The following IGF2BP2 variants were observed in gnomAD, a reference collection of about 807,000 sequenced individuals.
IGF2BP2 encodes insulin like growth factor 2 mRNA binding protein 2, also known as insulin-like growth factor 2 mRNA-binding protein 2.
A neutral mutation model predicts 75.8 loss-of-function variants in IGF2BP2; 17 were observed. The observed-to-expected ratio is 0.22, with a 90% CI of 0.15 to 0.34. The LOEUF (loss-of-function observed/expected upper bound fraction) is 0.34. Ranked by LOEUF, IGF2BP2 falls within the 10% of genes least tolerant of loss-of-function variation. The pLI, the probability that IGF2BP2 is intolerant of heterozygous loss-of-function variation, is 1.00. For synonymous variants in IGF2BP2, 288 were observed against 295.6 expected, an observed-to-expected ratio of 0.97 and a Z score of 0.26; for missense variants, 516 against 772.4, an observed-to-expected ratio of 0.67 and a Z score of 3.93.
At chr3:185,667,879 C>T (rs1335024660) in intron 10 of IGF2BP2, among the ~76,000 whole-genome samples, 2 of 152,188 alleles carry the variant, frequency 1.3e-5, no homozygotes, top group East Asian at 3.9e-4. Context: ...AATGCGCGTG[C>T]TCACTTTGTG....
intron 2 of IGF2BP2, among the ~76,000 whole-genome samples, chr3:185,779,597 AC>A (rs1202212744): frequency 2.0e-5 from 3 of 152,212 alleles, no homozygotes; most frequent in Non-Finnish European, 4.4e-5. Context: ...GTCCCTGATC[AC>A]CAACTGGGAG....
intron 2 of IGF2BP2, among the ~76,000 whole-genome samples, chr3:185,808,267 G>A (rs1393570461): frequency 1.3e-5 from 2 of 152,038 alleles, no homozygotes; most frequent in East Asian, 3.9e-4. Flanking sequence ...CCTGAGGTCA[G>A]GAGTTCAAGA....
chr3:185,756,955 T>C (rs1731702337), intron 2 of IGF2BP2, among the ~76,000 whole-genome samples: 1 of 152,048 alleles, frequency 6.6e-6, no homozygotes, highest in African/African-American at 2.4e-5. Context: ...GGCAACAGAG[T>C]GAGATCCTGT....
chr3:185,779,070 T>C (rs1444511177), intron 2 of IGF2BP2, among the ~76,000 whole-genome samples: 1 of 148,446 alleles, frequency 6.7e-6, no homozygotes, highest in Admixed American at 6.7e-5. Flanking sequence ...TAGGCAGATA[T>C]GGAACAAAGC....
chr3:185,787,659 G>A (rs1352826779), intron 2 of IGF2BP2, among the ~76,000 whole-genome samples: 1 of 152,088 alleles, frequency 6.6e-6, no homozygotes, highest in Admixed American at 6.6e-5. Context: ...CTTGAACTCA[G>A]GAGGCAGAGG....
chr3:185,793,442 C>G (rs1736908091), intron 2 of IGF2BP2, among the ~76,000 whole-genome samples: 1 of 152,186 alleles, frequency 6.6e-6, no homozygotes, highest in African/African-American at 2.4e-5. Flanking sequence ...TCTCACCCAA[C>G]ATATCCACAT....
At chr3:185,661,896 C>A (rs933647679) in intron 10 of IGF2BP2, among the ~76,000 whole-genome samples, 2 of 151,894 alleles carry the variant, frequency 1.3e-5, no homozygotes, top group Non-Finnish European at 2.9e-5. Flanking sequence ...GAGATGGAGC[C>A]CCAGAAAAGG....
chr3:185,784,324 C>T (rs1016836970), intron 2 of IGF2BP2, among the ~76,000 whole-genome samples: 2 of 152,132 alleles, frequency 1.3e-5, no homozygotes, highest in African/African-American at 4.8e-5. Flanking sequence ...TTGATCGAAA[C>T]ATCCTCCATC....
chr3:185,751,742 A>C (rs558582350), intron 2 of IGF2BP2, among the ~76,000 whole-genome samples: 2 of 152,238 alleles, frequency 1.3e-5, no homozygotes, highest in South Asian at 4.1e-4. Flanking sequence ...AGACGGGCGG[A>C]TCACGAGGTC....
chr3:185,818,630 C>T (rs1740913095), intron 2 of IGF2BP2, among the ~76,000 whole-genome samples: 1 of 152,170 alleles, frequency 6.6e-6, no homozygotes, highest in Non-Finnish European at 1.5e-5. Context: ...AAACATTTAG[C>T]TCAAATAATA....
intron 2 of IGF2BP2, among the ~76,000 whole-genome samples, chr3:185,809,877 A>C (rs1194240014): frequency 6.6e-6 from 1 of 152,184 alleles, no homozygotes; most frequent in Non-Finnish European, 1.5e-5. Flanking sequence ...AAGGCACTCA[A>C]GGTGCACCTG....
At chr3:185,722,583 T>G (rs1726735655) in intron 2 of IGF2BP2, 1 of 246,938 alleles carries the variant, frequency 4.0e-6, no homozygotes, top group South Asian at 4.1e-5. Context: ...GAAGGTAAAA[T>G]GAGAGGCTTG....
chr3:185,679,084 G>A (rs1719974910), intron 7 of IGF2BP2, among the ~76,000 whole-genome samples: 1 of 152,172 alleles, frequency 6.6e-6, no homozygotes. Flanking sequence ...AGCCAAGAAT[G>A]GGGAGTTTAA....
At chr3:185,824,348 G>C (rs571245741) in intron 1 of IGF2BP2, among the ~76,000 whole-genome samples, 2 of 151,438 alleles carry the variant, frequency 1.3e-5, no homozygotes, top group Admixed American at 6.6e-5. Context: ...GGTCCGGCCG[G>C]GGGAGGAGGA....
At chr3:185,697,692 C>CT (rs1160595351) in intron 3 of IGF2BP2, among the ~76,000 whole-genome samples, 4 of 151,998 alleles carry the variant, frequency 2.6e-5, no homozygotes, top group Admixed American at 6.6e-5. Context: ...TTTTCATTCA[C>CT]TTTTTTTTCC....
intron 7 of IGF2BP2, among the ~76,000 whole-genome samples, chr3:185,678,795 T>C (rs966967539): frequency 2.0e-5 from 3 of 152,236 alleles, no homozygotes; most frequent in African/African-American, 7.2e-5. Context: ...ACTTCACATG[T>C]TTAGAACTCT....
intron 10 of IGF2BP2, among the ~76,000 whole-genome samples, chr3:185,665,609 A>C (rs1239733162): frequency 1.1e-5 from 1 of 94,896 alleles, no homozygotes; most frequent in African/African-American, 4.4e-5. Context: ...AGGAAGAAGA[A>C]GGAGGAGGAG....
chr3:185,747,886 C>T (rs1208933554), intron 2 of IGF2BP2, among the ~76,000 whole-genome samples: 1 of 145,902 alleles, frequency 6.9e-6, no homozygotes, highest in Non-Finnish European at 1.5e-5. Context: ...GACGGAGTCT[C>T]GCTCTGTTGC....
rs370195199 is a variant in IGF2BP2, at chr3:185,730,888, G to GT, written c.240-32542dup. Among the ~76,000 whole-genome samples, 238 of 151,676 alleles carry GT rather than the reference G, an allele frequency of 1.6e-3. 2 individuals are homozygous for GT. Among genetic ancestry groups the GT allele is most frequent in the Non-Finnish European group, 2.0e-3 (137 of 67,856 alleles). On this transcript the variant is annotated intron_variant, in intron 2 of 15. Transcript: ENST00000382199. ...CTCTGCATCCACCCCAACATCTGTTGTTTTTTTTGAGTTTTTAATAATAGC... is the reference window on the plus strand; with the variant it reads ...CTCTGCATCCACCCCAACATCTGTTGTTTTTTTTTGAGTTTTTAATAATAGC...
Sources: allele counts gnomAD v4.1 joint callset (sites outside exome capture counted in the v4.1 genomes callset), GRCh38; gene constraint gnomAD v4.1.1; transcripts MANE v1.5; gene names NCBI Gene and HGNC (gene_info 2026-07-23, HGNC 2026-07-21).